The following PPP1R9A variants were observed in gnomAD, a reference collection of about 807,000 sequenced individuals.
PPP1R9A encodes protein phosphatase 1 regulatory subunit 9A.
In PPP1R9A, 59 loss-of-function variants were observed where a neutral mutation model predicts 141.9. The ratio of observed to expected loss-of-function variants is 0.42; its 90% CI spans 0.34 to 0.52. The LOEUF (loss-of-function observed/expected upper bound fraction) is 0.52. PPP1R9A is among the 20% of genes least tolerant of loss of function. The pLI, the probability that PPP1R9A is intolerant of heterozygous loss-of-function variation, is 0.10. For synonymous variants in PPP1R9A, 500 were observed against 569.7 expected, an observed-to-expected ratio of 0.88 and a Z score of 1.74; for missense variants, 1,444 against 1,611.9, an observed-to-expected ratio of 0.90 and a Z score of 1.78.
rs117276591 is a variant in PPP1R9A, at chr7:95,090,085, G to T, written c.1396-21174G>T. ...GTAACTAAGCTGTCTTAAATGGGAA[G>T]TGAGATCTTAGATTCCCTTTGTTAT... is the stretch of plus-strand genomic sequence containing the variant. On this transcript the variant is annotated intron_variant, in intron 2 of 19. Transcript: ENST00000433360. 4.4e-4 allele frequency among the ~76,000 whole-genome samples: 67 copies of T among 152,006 alleles called. 2 individuals carry two copies. The highest frequency in any genetic ancestry group is 1.4e-3 in the African/African-American group (58 of 41,320).
chr7:95,189,433 C>CTTTTTT (rs1195484637), intron 5 of PPP1R9A, among the ~76,000 whole-genome samples: 16 of 116,232 alleles, frequency 1.4e-4, no homozygotes, highest in African/African-American at 3.5e-4. Context: ...TTTGTTTATT[C>CTTTTTT]TTTTTTTTTT....
chr7:95,262,231 C>T (rs1186566643), intron 12 of PPP1R9A, among the ~76,000 whole-genome samples: 3 of 152,174 alleles, frequency 2.0e-5, no homozygotes, highest in Admixed American at 2.0e-4. Context: ...ATCCTAGCTC[C>T]CATGACCCAG....
chr7:95,149,015 C>T (rs182410313), intron 4 of PPP1R9A, among the ~76,000 whole-genome samples: 9 of 150,092 alleles, frequency 6.0e-5, no homozygotes, highest in East Asian at 3.9e-4. Context: ...ATTAACAAAT[C>T]GAGTCCAACA....
intron 2 of PPP1R9A, among the ~76,000 whole-genome samples, chr7:95,011,083 T>C (rs953546701): frequency 1.3e-5 from 2 of 152,192 alleles, no homozygotes; most frequent in Non-Finnish European, 2.9e-5. Context: ...AATTCAGCCT[T>C]TCTTTAAAGA....
intron 4 of PPP1R9A, among the ~76,000 whole-genome samples, chr7:95,146,757 C>T (rs1409470407): frequency 6.6e-6 from 1 of 152,092 alleles, no homozygotes; most frequent in Non-Finnish European, 1.5e-5. Context: ...ATAGGAAATC[C>T]TTTCCCCATT....
At chr7:94,996,924 GC>G (rs1418562640) in intron 2 of PPP1R9A, among the ~76,000 whole-genome samples, 2 of 149,010 alleles carry the variant, frequency 1.3e-5, no homozygotes, top group Non-Finnish European at 3.0e-5. Context: ...TGCCCCAGCC[GC>G]CCAAGTAGCT....
intron 1 of PPP1R9A, among the ~76,000 whole-genome samples, 192 bp from the exon 2 acceptor site, chr7:94,909,706 C>CT (rs34862598): frequency 0.17 from 21,915 of 128,500 alleles, 3,192 homozygotes; most frequent in African/African-American, 0.39. Context: ...GTGTTTGGAA[C>CT]TTTTTTTTTT....
intron 2 of PPP1R9A, chr7:95,098,380 A>G (rs1028635593): frequency 7.2e-6 from 1 of 139,144 alleles, no homozygotes; most frequent in Non-Finnish European, 1.5e-5. Context: ...GAATAAAAAT[A>G]AATAAATAAA....
intron 2 of PPP1R9A, among the ~76,000 whole-genome samples, chr7:95,004,875 C>G (rs1413891750): frequency 6.6e-6 from 1 of 152,188 alleles, no homozygotes; most frequent in Admixed American, 6.5e-5. Flanking sequence ...AATGATGATT[C>G]CTTCCCACAG....
chr7:95,065,956 G>T (rs953989468), intron 2 of PPP1R9A, among the ~76,000 whole-genome samples: 2 of 152,156 alleles, frequency 1.3e-5, no homozygotes, highest in Admixed American at 1.3e-4. Flanking sequence ...AGATTCACTA[G>T]TTAATAAGCC....
intron 2 of PPP1R9A, among the ~76,000 whole-genome samples, chr7:95,066,995 G>A (rs957785051): frequency 3.3e-5 from 5 of 152,272 alleles, no homozygotes; most frequent in East Asian, 1.9e-4. Flanking sequence ...GGATGGTATC[G>A]GATTTCTCCG....
At chr7:95,228,795 G>C (rs1795501618) in intron 8 of PPP1R9A, among the ~76,000 whole-genome samples, 1 of 152,120 alleles carries the variant, frequency 6.6e-6, no homozygotes, top group South Asian at 2.1e-4. Flanking sequence ...CAAGTTCATG[G>C]AATATATTTG....
At chr7:95,121,706 A>T (rs1384101948) in intron 4 of PPP1R9A, among the ~76,000 whole-genome samples, 1 of 152,124 alleles carries the variant, frequency 6.6e-6, no homozygotes, top group Non-Finnish European at 1.5e-5. Context: ...GCCACATCTG[A>T]TGAGGACCCT....
chr7:95,172,540 A>T (rs1259295222), intron 5 of PPP1R9A, among the ~76,000 whole-genome samples: 1 of 151,848 alleles, frequency 6.6e-6, no homozygotes, highest in African/African-American at 2.4e-5. Context: ...TGATGACAGC[A>T]TCCAAAATAT....
intron 2 of PPP1R9A, among the ~76,000 whole-genome samples, chr7:94,958,292 C>CT (rs1404619093): frequency 6.6e-5 from 10 of 152,040 alleles, no homozygotes; most frequent in Non-Finnish European, 1.2e-4. Context: ...TTCTCAGGCT[C>CT]TATCATATCA....
rs1303047186 is a variant in PPP1R9A, at chr7:95,268,713, C to T, written c.2823+6C>T. 1.2e-6 allele frequency: 2 copies of T among 1,611,084 alleles called. No individual in the cohort carries two copies. Among genetic ancestry groups the T allele is most frequent in the East Asian group, 2.2e-5 (1 of 44,822 alleles). On this transcript the variant is annotated splice_donor_region_variant and intron_variant, in intron 13 of 19. Coordinates refer to ENST00000433360, the MANE Select transcript of PPP1R9A (RefSeq NM_001166160.2). ...AGGACAGTCTAGAGAGAAAGGTGAG[C>T]ACCCTTGACCGTTTCCTGATTTGTA...
At chr7:95,005,394 A>G (rs765822749) in intron 2 of PPP1R9A, among the ~76,000 whole-genome samples, 1 of 152,190 alleles carries the variant, frequency 6.6e-6, no homozygotes, top group Non-Finnish European at 1.5e-5. Flanking sequence ...GAACATTAGT[A>G]TTGAACTTTT....
chr7:95,019,601 C>G (rs1479670336), intron 2 of PPP1R9A, among the ~76,000 whole-genome samples: 1 of 151,872 alleles, frequency 6.6e-6, no homozygotes, highest in Non-Finnish European at 1.5e-5. Context: ...AATTTTTGAA[C>G]TAATACTTGA....
chr7:95,138,300 A>G (rs1455720303), intron 4 of PPP1R9A, among the ~76,000 whole-genome samples: 1 of 152,212 alleles, frequency 6.6e-6, no homozygotes, highest in Non-Finnish European at 1.5e-5. Flanking sequence ...GCAAAGTGCT[A>G]GAACAATTAG....
Sources: gnomAD v4.1 joint callset for allele counts (sites outside exome capture counted in the v4.1 genomes callset) on GRCh38, gnomAD v4.1.1 for gene constraint, MANE v1.5 for transcripts, NCBI Gene and HGNC (gene_info 2026-07-23, HGNC 2026-07-21) for gene names.